The following ZNF780B variants were observed in gnomAD, a reference collection of about 807,000 sequenced individuals.
ZNF780B encodes zinc finger protein 779.
ZNF780B carries 52 observed loss-of-function variants against 74.1 expected under a neutral mutation model. The observed-to-expected ratio is 0.70, with a 90% CI of 0.56 to 0.88. ZNF780B has a LOEUF of 0.88. ZNF780B is among the 40% of genes least tolerant of loss of function. The probability of loss-of-function intolerance (pLI) is 0.00; values close to 1 mark genes in which losing one functional copy is unlikely to be tolerated. For synonymous variants in ZNF780B, 315 were observed against 324.3 expected, an observed-to-expected ratio of 0.97 and a Z score of 0.31; for missense variants, 953 against 1,007.6, an observed-to-expected ratio of 0.95 and a Z score of 0.73.
chr19:40,049,832 G>A (rs186349345), intron 2 of ZNF780B, among the ~76,000 whole-genome samples: 216 of 152,276 alleles, frequency 1.4e-3, no homozygotes, highest in African/African-American at 4.6e-3. Context: ...ACAGAGGTAC[G>A]AATAGGAAGA....
intron 1 of ZNF780B, among the ~76,000 whole-genome samples, chr19:40,051,551 G>A (rs1440002285): frequency 6.6e-6 from 1 of 151,972 alleles, no homozygotes; most frequent in East Asian, 1.9e-4. Context: ...CATTAATGAT[G>A]GTCATATTTC....
chr19:40,049,900 T>A (rs1264096958), intron 2 of ZNF780B, among the ~76,000 whole-genome samples: 1 of 152,050 alleles, frequency 6.6e-6, no homozygotes. Context: ...AAGTGGGGTG[T>A]AAGATTGTGG....
At position 40,032,090 on chromosome 19, in the gene ZNF780B, T is replaced by A; in HGVS notation, c.*2267A>T. On this transcript the variant is annotated 3_prime_UTR_variant, in exon 5 of 5. Transcript: ENST00000434248. ...AAATACAACCAAGAACAAGGCTAAA[T>A]GACACTATAAAGAAAGAAATCTAAA... The A allele has an allele frequency of 2.2e-6, 1 of 455,494 alleles. No individual in the cohort carries two copies. Among genetic ancestry groups the A allele is most frequent in the Non-Finnish European group, 4.4e-6 (1 of 226,672 alleles). 28.2% of individuals were successfully genotyped at this position (455,494 alleles called of 1,614,324 possible).
At chr19:40,050,434 A>C in intron 1 of ZNF780B, 57 bp from the exon 2 acceptor site, 2 of 1,450,558 alleles carry the variant, frequency 1.4e-6, no homozygotes, top group Non-Finnish European at 1.9e-6. Context: ...AAAGCACTAG[A>C]ACGAATAAAT....
Position 40,031,590 on chromosome 19 carries a change from A to T in ZNF780B, c.*2767T>A, listed in dbSNP as rs1313978319. The T allele has an allele frequency of 6.5e-6, 1 of 153,290 alleles. No homozygotes were observed. The highest frequency in any genetic ancestry group is 2.4e-5 in the African/African-American group (1 of 41,452). The allele number at this position is 153,290 out of a possible 1,614,324, so 9.5% of individuals were successfully genotyped here. A position where few individuals can be genotyped will look rare whatever the true frequency, so the allele number is the denominator to read the frequency against. ...TTTTTCAAATTTTTATCAACAGCTC[A>T]TGTACCAGCCATGGTATAGGTGCTG... On this transcript the variant is annotated 3_prime_UTR_variant, in exon 5 of 5. Coordinates refer to ENST00000434248, the MANE Select transcript of ZNF780B (RefSeq NM_001005851.3).
In ZNF780B at chr19:40,035,449, C is replaced by T. The variant is rs770575952; in HGVS notation, c.1410G>A (p.Gly470=). Residue 470 remains glycine (G), a synonymous_variant, in exon 5 of 5, where the codon GGG becomes GGA. Transcript: ENST00000434248. ...CACATTCTTTACATTCAAAGGGTTTCCCACCAGTATGAATTTGGCAATGTT... is the reference window on the plus strand; with the variant it reads ...CACATTCTTTACATTCAAAGGGTTTTCCACCAGTATGAATTTGGCAATGTT... ...LIQHCQIHTG[G]KPFECKECGK... 3 of 1,614,136 alleles carry T rather than the reference C, an allele frequency of 1.9e-6. No homozygotes were observed. The highest frequency in any genetic ancestry group is 2.5e-6 in the Non-Finnish European group (3 of 1,180,030).
At chr19:40,050,849 T>A (rs1448695166) in intron 1 of ZNF780B, among the ~76,000 whole-genome samples, 3 of 152,204 alleles carry the variant, frequency 2.0e-5, no homozygotes, top group Non-Finnish European at 2.9e-5. Context: ...CTGGAAAGGA[T>A]ATAGACAGAA....
In ZNF780B at chr19:40,054,179, T is replaced by C. The variant is rs535179491; in HGVS notation, c.-46+2010A>G. On this transcript the variant is annotated intron_variant, in intron 1 of 4. Transcript: ENST00000434248. ...CAAAAAAAGAAAACACTTGATATCA[T>C]AGAATTAGAGAAGAGAATGGTGTTT... Among the ~76,000 whole-genome samples, 4 of 151,864 alleles carry C rather than the reference T, an allele frequency of 2.6e-5. No homozygotes were observed. The South Asian group carries it at 8.3e-4, about 32-fold the overall frequency.
At chr19:40,038,620 G>T (rs1367796480) in intron 4 of ZNF780B, among the ~76,000 whole-genome samples, 1 of 150,836 alleles carries the variant, frequency 6.6e-6, no homozygotes, top group Non-Finnish European at 1.5e-5. Context: ...ACTGGTGTGA[G>T]ATGGTATCTC....
chr19:40,035,906 T>G lies in ZNF780B; in HGVS notation c.953A>C (p.Tyr318Ser). ...AATTCGGCAATGTTCAATGAGTTGG[T>G]AATGATATCGAAAGGCCATCTCACA... ...RECEMAFRYH[Y>S]QLIEHCRIHT... The change falls in exon 5 of 5, where the codon TAC (tyrosine) becomes TCC (serine). Residue 318 changes from tyrosine (Y) to serine (S), a missense_variant. Tyr to Ser is a moderately radical substitution (Grantham distance 144, BLOSUM62 -2). Coordinates refer to ENST00000434248, the MANE Select transcript of ZNF780B (RefSeq NM_001005851.3). The G allele has an allele frequency of 1.9e-6, 3 of 1,613,480 alleles. No homozygotes were observed. The highest frequency in any genetic ancestry group is 8.5e-7 in the Non-Finnish European group (1 of 1,179,874).
chr19:40,034,582 C>T lies in ZNF780B; in HGVS notation c.2277G>A (p.Gly759=). The change falls in exon 5 of 5, where the codon GGG becomes GGA. Residue 759 remains glycine, a synonymous_variant. Transcript: ENST00000434248. ...GEKPFKCKEC[G]KAFNRGSNLV... is the part of the protein sequence containing the mutation. ...GGTTTGAGCCACGATTAAAGGCCTT[C>T]CCACACTCCTTACATTTAAATGGCT... 6.2e-7 allele frequency: 1 copy of T among 1,613,994 alleles called. No individual in the cohort carries two copies. The highest frequency in any genetic ancestry group is 1.1e-5 in the South Asian group (1 of 91,078).
intron 4 of ZNF780B, among the ~76,000 whole-genome samples, chr19:40,040,995 G>A (rs1972608141): frequency 6.6e-6 from 1 of 152,192 alleles, no homozygotes; most frequent in Non-Finnish European, 1.5e-5. Context: ...TAATTGTGAT[G>A]TTAGGGTGTC....
intron 4 of ZNF780B, among the ~76,000 whole-genome samples, chr19:40,041,074 T>G (rs1433220934): frequency 3.3e-5 from 5 of 152,238 alleles, no homozygotes; most frequent in African/African-American, 1.2e-4. Context: ...CATACTGCTT[T>G]GAATGTGTCC....
rs234359 is a variant in ZNF780B, at chr19:40,031,894, C to T, written c.*2463G>A. 0.048 allele frequency: 15,182 copies of T among 316,552 alleles called. 2,098 individuals are homozygous for T. Among genetic ancestry groups the T allele is most frequent in the African/African-American group, 0.3 (13,805 of 46,334 alleles). 19.6% of individuals were successfully genotyped at this position (316,552 alleles called of 1,614,324 possible). A position where few individuals can be genotyped will look rare whatever the true frequency, so the allele number is the denominator to read the frequency against. ...CTAAATCTTTACAATGGACTTACGGCGGTTACCAGCTTACCCAAATGATCA... is the reference window on the plus strand; with the variant it reads ...CTAAATCTTTACAATGGACTTACGGTGGTTACCAGCTTACCCAAATGATCA... On this transcript the variant is annotated 3_prime_UTR_variant, in exon 5 of 5. Coordinates refer to ENST00000434248, the MANE Select transcript of ZNF780B (RefSeq NM_001005851.3).
chr19:40,051,461 A>AGAT (rs1223112314), intron 1 of ZNF780B, among the ~76,000 whole-genome samples: 1 of 152,218 alleles, frequency 6.6e-6, no homozygotes, highest in Admixed American at 6.5e-5. Flanking sequence ...ACCAACACTA[A>AGAT]GATGTCTATG....
intron 2 of ZNF780B, among the ~76,000 whole-genome samples, 172 bp downstream of exon 2, chr19:40,050,152 G>T (rs1320271627): frequency 7.7e-6 from 1 of 129,442 alleles, no homozygotes; most frequent in Non-Finnish European, 1.5e-5. Flanking sequence ...AGCCAAGATC[G>T]CACCACTGCA....
At position 40,036,027 on chromosome 19, in the gene ZNF780B, G is replaced by C. The variant is rs377464481; in HGVS notation, c.832C>G (p.Gln278Glu). 35 of 1,613,512 alleles carry C rather than the reference G, an allele frequency of 2.2e-5. No individual in the cohort carries two copies. In the Admixed American group the frequency reaches 3.0e-4, roughly 14 times the overall value. ...AAGGCTTTCCCACACTCCTTACATT[G>C]ATATGGTTTTACACCAGCATGAATA... Reference protein sequence around the residue: ...QSIHAGVKPYQCKECGKAFNR... With the variant: ...QSIHAGVKPYECKECGKAFNR... Residue 278 changes from glutamine to glutamate, a missense_variant, in exon 5 of 5, where the codon CAA becomes GAA. Coordinates refer to ENST00000434248, the MANE Select transcript of ZNF780B (RefSeq NM_001005851.3).
At chr19:40,046,030 T>C (rs1057292536) in intron 4 of ZNF780B, among the ~76,000 whole-genome samples, 1 of 151,936 alleles carries the variant, frequency 6.6e-6, no homozygotes, top group Non-Finnish European at 1.5e-5. Context: ...CATTCATATC[T>C]GGAGGCTAAA....
chr19:40,046,114 G>T (rs1015634480), intron 4 of ZNF780B, among the ~76,000 whole-genome samples: 1 of 152,136 alleles, frequency 6.6e-6, no homozygotes, highest in Non-Finnish European at 1.5e-5. Flanking sequence ...TGAGGGGTGG[G>T]GGATGAAGAG....
Sources: gnomAD v4.1 joint callset for allele counts (sites outside exome capture counted in the v4.1 genomes callset) on GRCh38, gnomAD v4.1.1 for gene constraint, MANE v1.5 for transcripts, NCBI Gene and HGNC (gene_info 2026-07-23, HGNC 2026-07-21) for gene names.